The following AOPEP variants were observed in gnomAD, a reference collection of about 807,000 sequenced individuals.
AOPEP encodes aminopeptidase O (putative).
Under a neutral mutation model 98.1 loss-of-function variants are expected in AOPEP, and 77 were observed. The observed-to-expected ratio is 0.78, with a 90% CI of 0.65 to 0.95. The LOEUF is 0.95. Among genes scored for constraint, AOPEP ranks in the 40% least tolerant of loss-of-function variants. The pLI is 0.00. For missense variants in AOPEP, 1,024 were observed against 1,024.7 expected (o/e 1.00, Z 0.01); for synonymous variants, 346 against 365.3 (o/e 0.95, Z 0.60).
the AOPEP span, among the ~76,000 whole-genome samples, chr9:95,139,234 A>G: frequency 2.0e-5 from 3 of 152,200 alleles, no homozygotes; most frequent in Admixed American, 2.0e-4. Context: ...AGGGAAACGC[A>G]CCGACGTGGT....
intron 14 of AOPEP, among the ~76,000 whole-genome samples, chr9:95,067,401 T>C (rs1564597004): frequency 6.6e-6 from 1 of 152,190 alleles, no homozygotes; most frequent in Non-Finnish European, 1.5e-5. Flanking sequence ...TTTAGGCTGT[T>C]CAGTCTCTGC....
chr9:95,018,081 C>A (rs1412488), intron 13 of AOPEP, among the ~76,000 whole-genome samples: 2 of 152,142 alleles, frequency 1.3e-5, no homozygotes, highest in Non-Finnish European at 2.9e-5. Flanking sequence ...TATGAATAAC[C>A]CATCTGTGGA....
At chr9:95,044,371 C>A (rs2065640419) in intron 13 of AOPEP, among the ~76,000 whole-genome samples, 1 of 148,536 alleles carries the variant, frequency 6.7e-6, no homozygotes. Context: ...ACTGGCTCCG[C>A]TGGATGCAGG....
At chr9:95,127,383 G>A in the AOPEP span, 1 of 152,266 alleles carries the variant, frequency 6.6e-6, no homozygotes, top group Non-Finnish European at 1.5e-5. Context: ...CCAGGTACCG[G>A]TTTCTTGGAA....
At chr9:95,008,861 A>G (rs2062252963) in intron 13 of AOPEP, among the ~76,000 whole-genome samples, 1 of 152,086 alleles carries the variant, frequency 6.6e-6, no homozygotes, top group Non-Finnish European at 1.5e-5. Context: ...TTAGTTTCAT[A>G]TTTTAGCCCT....
chr9:94,742,007 CCTT>C (rs1300733137), intron 1 of AOPEP, among the ~76,000 whole-genome samples: 1 of 152,090 alleles, frequency 6.6e-6, no homozygotes, highest in African/African-American at 2.4e-5. Context: ...GTTCAAGAAA[CCTT>C]CTATGTTTGT....
intron 5 of AOPEP, among the ~76,000 whole-genome samples, chr9:94,898,679 C>T (rs11787821): frequency 0.31 from 46,470 of 147,838 alleles, 8,359 homozygotes; most frequent in Non-Finnish European, 0.42. Flanking sequence ...TGCAGTGGCT[C>T]ATGCCTGTAA....
intron 15 of AOPEP, among the ~76,000 whole-genome samples, chr9:95,081,714 G>T (rs1469017737): frequency 6.6e-6 from 1 of 152,226 alleles, no homozygotes; most frequent in Non-Finnish European, 1.5e-5. Context: ...CTAAAGACCA[G>T]AATTCACTGC....
At chr9:95,130,140 G>A in the AOPEP span, among the ~76,000 whole-genome samples, 7 of 152,094 alleles carry the variant, frequency 4.6e-5, no homozygotes, top group African/African-American at 1.2e-4. Context: ...TCTTGTGCCC[G>A]GTCCTTGATG....
At chr9:94,735,252 G>A (rs1048213185) in intron 1 of AOPEP, among the ~76,000 whole-genome samples, 35 of 151,992 alleles carry the variant, frequency 2.3e-4, no homozygotes, top group African/African-American at 8.2e-4. Flanking sequence ...ACGGAGTCTC[G>A]CTCTGTCACC....
At chr9:94,921,981 C>T (rs1049565366) in intron 5 of AOPEP, among the ~76,000 whole-genome samples, 4 of 152,128 alleles carry the variant, frequency 2.6e-5, no homozygotes, top group African/African-American at 9.7e-5. Flanking sequence ...AACGCTGGGT[C>T]CTGTCCCAAG....
At chr9:94,744,018 A>G (rs146276849) in intron 1 of AOPEP, among the ~76,000 whole-genome samples, 258 of 152,244 alleles carry the variant, frequency 1.7e-3, no homozygotes, top group African/African-American at 5.5e-3. Flanking sequence ...CACACTCGGT[A>G]AAAATGAAGG....
downstream of AOPEP, among the ~76,000 whole-genome samples, chr9:95,090,191 C>T (rs2070847046): frequency 1.3e-5 from 2 of 152,216 alleles, no homozygotes; most frequent in South Asian, 2.1e-4. Flanking sequence ...GCCATCTGTC[C>T]CCTGAGTGGT....
chr9:94,761,679 G>A (rs1318951176), intron 2 of AOPEP, among the ~76,000 whole-genome samples: 1 of 152,018 alleles, frequency 6.6e-6, no homozygotes, highest in Non-Finnish European at 1.5e-5. Flanking sequence ...TTCTGTTCTG[G>A]TCTCTCACCC....
chr9:94,968,804 C>T (rs1237982602), intron 10 of AOPEP, among the ~76,000 whole-genome samples: 7 of 152,108 alleles, frequency 4.6e-5, no homozygotes, highest in African/African-American at 9.7e-5. Flanking sequence ...AATTATAATC[C>T]TCTGTGTATC....
At chr9:95,112,843 G>A in the AOPEP span, among the ~76,000 whole-genome samples, 2 of 152,244 alleles carry the variant, frequency 1.3e-5, no homozygotes, top group Non-Finnish European at 1.5e-5. Context: ...GGAGCCCCAC[G>A]AGGTCTAAGT....
chr9:94,911,037 AC>A (rs2051959535), intron 5 of AOPEP, among the ~76,000 whole-genome samples: 1 of 152,136 alleles, frequency 6.6e-6, no homozygotes, highest in Non-Finnish European at 1.5e-5. Flanking sequence ...AGGTATTATC[AC>A]TACTGCTACT....
intron 3 of AOPEP, among the ~76,000 whole-genome samples, chr9:94,786,907 A>G (rs1329854745): frequency 1.3e-5 from 2 of 152,190 alleles, no homozygotes; most frequent in Non-Finnish European, 2.9e-5. Context: ...GGTAGCCAAG[A>G]AACCTTTTTG....
rs543629389 is a variant in AOPEP, at chr9:95,080,687, C to T, written c.2233-7C>T. ...GTCGCTCACTGGGCTCTCTCTTGTT[C>T]CTCCAGGTTCGCCATCGGTGGTGTG... is the stretch of plus-strand genomic sequence containing the variant. On this transcript the variant is annotated splice_region_variant and splice_polypyrimidine_tract_variant and intron_variant, in intron 14 of 16. Coordinates refer to ENST00000375315, the MANE Select transcript of AOPEP (RefSeq NM_001193329.3). 6.2e-7 allele frequency: 1 copy of T among 1,611,912 alleles called. No individual in the cohort carries two copies. The highest frequency in any genetic ancestry group is 8.5e-7 in the Non-Finnish European group (1 of 1,179,022).
Sources: allele counts gnomAD v4.1 joint callset (sites outside exome capture counted in the v4.1 genomes callset), GRCh38; gene constraint gnomAD v4.1.1; transcripts MANE v1.5; gene names NCBI Gene and HGNC (gene_info 2026-07-23, HGNC 2026-07-21).